The following LGI3 variants were observed in gnomAD, a reference collection of about 807,000 sequenced individuals.
LGI3 encodes leucine rich repeat LGI family member 3.
LGI3 carries 47 observed loss-of-function variants against 55.4 expected under a neutral mutation model. The ratio of observed to expected loss-of-function variants is 0.85; its 90% CI spans 0.67 to 1.08. The LOEUF (loss-of-function observed/expected upper bound fraction) is 1.08. LGI3 is among the 50% of genes least tolerant of loss of function. LGI3 has a pLI of 0.00. For missense variants in LGI3, 664 were observed against 726.3 expected (o/e 0.91, Z 0.99); for synonymous variants, 326 against 315.0 (o/e 1.04, Z -0.37).
Position 22,152,014 on chromosome 8 carries a change from G to A in LGI3, c.495-14C>T. Reference sequence around the variant, plus strand: ...CCCCGCAGGTCCCTGCATCATGAGGGCAGAGGAGGGGGGCACAGAGAAAGA... The same window carrying A: ...CCCCGCAGGTCCCTGCATCATGAGGACAGAGGAGGGGGGCACAGAGAAAGA... On this transcript the variant is annotated splice_polypyrimidine_tract_variant and intron_variant, in intron 5 of 7. Transcript: ENST00000306317. The A allele has an allele frequency of 6.3e-7, 1 of 1,577,854 alleles. No homozygotes were observed.
chr8:22,150,316 T>A (rs1293084427), intron 7 of LGI3, among the ~76,000 whole-genome samples: 3 of 151,378 alleles, frequency 2.0e-5, no homozygotes, highest in Non-Finnish European at 4.4e-5. Context: ...GCAATGTAAG[T>A]TTTCTATTTC....
In LGI3 at chr8:22,148,126, GCCAC is replaced by G. The variant is rs770347066; in HGVS notation, c.*30_*33del. On this transcript the variant is annotated 3_prime_UTR_variant, in exon 8 of 8. Transcript: ENST00000306317. The surrounding 1 kb of genome is among the most constrained non-coding windows in gnomAD (Gnocchi z 7.0). ...AGAGGCCCCCACCCATCCTCCAGTG[GCCAC>G]CCTGAGGAGACCAGAGGCCTCGGCA... 1 of 1,520,652 alleles carries G rather than the reference GCCAC, an allele frequency of 6.6e-7. No homozygotes were observed. Among genetic ancestry groups the G allele is most frequent in the African/African-American group, 1.4e-5 (1 of 71,770 alleles). 94.2% of individuals were successfully genotyped at this position (1,520,652 alleles called of 1,614,324 possible).
intron 7 of LGI3, 150 bp downstream of exon 7, chr8:22,151,339 G>A: frequency 1.4e-6 from 1 of 703,190 alleles, no homozygotes; most frequent in Non-Finnish European, 2.5e-6. Context: ...TGTATACATT[G>A]GCCTCTTCCC....
At chr8:22,152,775 G>A (rs1295180536) in intron 5 of LGI3, among the ~76,000 whole-genome samples, 6 of 148,886 alleles carry the variant, frequency 4.0e-5, no homozygotes, top group Non-Finnish European at 8.9e-5. Context: ...TGTTGGCCGC[G>A]CACAGTGGCT....
rs1586410364 is a variant in LGI3, at chr8:22,154,849, G to A, written c.279-218C>T. The A allele has an allele frequency of 1.6e-5, 9 of 564,030 alleles. No homozygotes were observed. In the East Asian group the frequency reaches 2.3e-4, roughly 15 times the overall value. 34.9% of individuals were successfully genotyped at this position (564,030 alleles called of 1,614,324 possible). A position where few individuals can be genotyped will look rare whatever the true frequency, so the allele number is the denominator to read the frequency against. On this transcript the variant is annotated intron_variant, in intron 2 of 7. Transcript: ENST00000306317. ...AGGGTCCCTGTTGGATCCTAAACAT[G>A]GGCCAAGGCAGAGCTCTCTTGTCAA...
rs770087756 is a variant in LGI3 at position 22,148,795 on chromosome 8, C to G, written c.1012G>C (p.Asp338His). ...KPNDLEAFRI[D>H]GDWYFAVADS... ...GCCACGGCAAAGTACCAGTCACCGT[C>G]GATGCGGAAGGCTTCTAGGTCGTTA... Residue 338 changes from aspartate (D) to histidine (H), a missense_variant, in exon 8 of 8, where the codon GAC becomes CAC. Physicochemically the swap from Asp to His is moderately conservative, Grantham distance 81. Coordinates refer to ENST00000306317, the MANE Select transcript of LGI3 (RefSeq NM_139278.4). This position sits in a 1 kb window ranked among gnomAD's most constrained non-coding sequence, Gnocchi z 7.0. The G allele has an allele frequency of 3.1e-6, 5 of 1,614,168 alleles. No homozygotes were observed. The South Asian group carries it at 5.5e-5, about 18-fold the overall frequency.
At chr8:22,151,458 G>C (rs757395273) in intron 7 of LGI3, 31 bp downstream of exon 7, 9 of 1,609,310 alleles carry the variant, frequency 5.6e-6, no homozygotes, top group Non-Finnish European at 5.9e-6. Flanking sequence ...CCCCTAGCAA[G>C]GGCCAGCAGA....
At chr8:22,152,481 C>T (rs937864975) in intron 5 of LGI3, among the ~76,000 whole-genome samples, 6 of 152,208 alleles carry the variant, frequency 3.9e-5, no homozygotes, top group Admixed American at 6.5e-5. Flanking sequence ...TGGTGGCTCA[C>T]ACCTGTAATC....
chr8:22,149,725 T>C (rs1283287319), intron 7 of LGI3, among the ~76,000 whole-genome samples: 2 of 152,112 alleles, frequency 1.3e-5, no homozygotes, highest in Non-Finnish European at 2.9e-5. Context: ...CATCTCCACT[T>C]TGACATCCCC....
chr8:22,150,297 G>T (rs1260386836), intron 7 of LGI3, among the ~76,000 whole-genome samples: 1 of 151,234 alleles, frequency 6.6e-6, no homozygotes, highest in Non-Finnish European at 1.5e-5. Flanking sequence ...GTTCCTTAAT[G>T]GAGACAGGGC....
At chr8:22,154,267 C>T in intron 3 of LGI3, 54 bp from the exon 4 acceptor site, 2 of 1,424,390 alleles carry the variant, frequency 1.4e-6, no homozygotes, top group South Asian at 2.3e-5. Flanking sequence ...AGACCCCCAG[C>T]AGCACTCGCC....
rs769329749 is a variant in LGI3 at position 22,148,158 on chromosome 8, C to G, written c.*2G>C. The G allele has an allele frequency of 5.7e-6, 9 of 1,587,184 alleles. No homozygotes were observed. The highest frequency in any genetic ancestry group is 7.7e-6 in the Non-Finnish European group (9 of 1,167,208). ...TGAGGAGACCAGAGGCCTCGGCACC[C>G]CCTAGGCACTGAGATCCACCACAAT... On this transcript the variant is annotated 3_prime_UTR_variant, in exon 8 of 8. Transcript: ENST00000306317. The surrounding 1 kb of genome is among the most constrained non-coding windows in gnomAD (Gnocchi z 7.0).
Position 22,151,846 on chromosome 8 carries a change from C to G in LGI3, c.649G>C (p.Asp217His). Reference sequence around the variant, plus strand: ...CACCTCCTACCTGTGGTGATGCAATCGAACTCCCGCAGCGGCAGGTCCTGC... The same window carrying G: ...CACCTCCTACCTGTGGTGATGCAATGGAACTCCCGCAGCGGCAGGTCCTGC... ...KVQDLPLREFDCITTDFVLYQ... is the reference protein window; with the variant it reads ...KVQDLPLREFHCITTDFVLYQ... The change falls in exon 6 of 8, where the codon GAT (aspartate) becomes CAT (histidine). Residue 217 changes from aspartate to histidine, a missense_variant. By Grantham distance (81) the Asp-to-His change is moderately conservative. Transcript: ENST00000306317. The G allele has an allele frequency of 6.2e-7, 1 of 1,609,410 alleles. No homozygotes were observed.
chr8:22,156,248 G>C (rs949330109), intron 1 of LGI3, 89 bp downstream of exon 1: 2 of 1,382,354 alleles, frequency 1.4e-6, no homozygotes, highest in Non-Finnish European at 2.0e-6. Context: ...ACTCTGAAGA[G>C]GGGGAGCGGG....
At chr8:22,149,856 C>T (rs911448065) in intron 7 of LGI3, among the ~76,000 whole-genome samples, 2 of 152,064 alleles carry the variant, frequency 1.3e-5, no homozygotes, top group African/African-American at 4.8e-5. Flanking sequence ...TCTGCCCTGC[C>T]CAGATGCTAA....
intron 7 of LGI3, among the ~76,000 whole-genome samples, chr8:22,151,136 AT>A (rs1827372148): frequency 6.6e-6 from 1 of 152,008 alleles, no homozygotes; most frequent in Non-Finnish European, 1.5e-5. Flanking sequence ...GGTCCATCTA[AT>A]TACGTAAGCC....
rs752026942 is a variant in LGI3 at position 22,155,412 on chromosome 8, G to A, written c.258C>T (p.His86=). The A allele has an allele frequency of 6.2e-7, 1 of 1,613,928 alleles. No individual in the cohort carries two copies. The highest frequency in any genetic ancestry group is 1.1e-5 in the South Asian group (1 of 91,088). Residue 86 remains histidine (H), a synonymous_variant, in exon 2 of 8, where the codon CAC becomes CAT. Transcript: ENST00000306317. Reference sequence around the variant, plus strand: ...CATACAAGAACTGCAGCAGCGGGAGGTGGGAGAACGCTCCATCCTGGATCT... The same window carrying A: ...CATACAAGAACTGCAGCAGCGGGAGATGGGAGAACGCTCCATCCTGGATCT... ...FSEIQDGAFS[H]LPLLQFLLLN...
At chr8:22,152,135 A>T (rs1827387879) in intron 5 of LGI3, 135 bp from the exon 6 acceptor site, 1 of 659,444 alleles carries the variant, frequency 1.5e-6, no homozygotes, top group Non-Finnish European at 2.5e-6. Flanking sequence ...TCTTTGTAAG[A>T]TTAGAGAAAA....
chr8:22,150,322 A>G (rs1339254550), intron 7 of LGI3, among the ~76,000 whole-genome samples: 1 of 109,420 alleles, frequency 9.1e-6, no homozygotes, highest in African/African-American at 3.4e-5. Context: ...TAAGTTTTCT[A>G]TTTCATCTTG....
Sources: allele counts gnomAD v4.1 joint callset (sites outside exome capture counted in the v4.1 genomes callset), GRCh38; gene constraint gnomAD v4.1.1; non-coding constraint Gnocchi (gnomAD v3.1); transcripts MANE v1.5; gene names NCBI Gene and HGNC (gene_info 2026-07-23, HGNC 2026-07-21).